ENPP6: variants seen among roughly 807,000 people sequenced by gnomAD.
The protein encoded by ENPP6 is ectonucleotide pyrophosphatase/phosphodiesterase 6, also known as glycerophosphocholine cholinephosphodiesterase ENPP6.
Under a neutral mutation model 42.0 loss-of-function variants are expected in ENPP6, and 32 were observed. That is an observed-to-expected ratio of 0.76 (90% CI 0.58 to 1.02). ENPP6 has a LOEUF of 1.02. ENPP6 is among the 50% of genes least tolerant of loss of function. The pLI, the probability that ENPP6 is intolerant of heterozygous loss-of-function variation, is 0.00. For synonymous variants in ENPP6, 213 were observed against 216.0 expected, an observed-to-expected ratio of 0.99 and a Z score of 0.12; for missense variants, 552 against 566.8, an observed-to-expected ratio of 0.97 and a Z score of 0.27.
intron 1 of ENPP6, among the ~76,000 whole-genome samples, chr4:184,171,301 A>G (rs907303838): frequency 6.6e-6 from 1 of 152,226 alleles, no homozygotes; most frequent in African/African-American, 2.4e-5. Flanking sequence ...TGGCATCCTT[A>G]CAGCATGGTG....
chr4:184,183,848 C>T (rs994165121), intron 1 of ENPP6, among the ~76,000 whole-genome samples: 1 of 152,226 alleles, frequency 6.6e-6, no homozygotes, highest in African/African-American at 2.4e-5. Context: ...ACATTTCCAT[C>T]TAGGTGAAGC....
In ENPP6 at chr4:184,138,929, T is replaced by C. The variant is rs568422466; in HGVS notation, c.421+14625A>G. On this transcript the variant is annotated intron_variant, in intron 2 of 7. Transcript: ENST00000296741. Reference sequence around the variant, plus strand: ...CTTCGAAGCCAGGGCAAATAGGACATCCTAATTACGATCTACTAAGATGAT... The same window carrying C: ...CTTCGAAGCCAGGGCAAATAGGACACCCTAATTACGATCTACTAAGATGAT... Among the ~76,000 whole-genome samples, 118 of 152,310 alleles carry C rather than the reference T, an allele frequency of 7.7e-4. 2 individuals are homozygous for C. The South Asian group carries it at 0.018, about 23-fold the overall frequency.
chr4:184,181,025 G>C (rs576108831), intron 1 of ENPP6, among the ~76,000 whole-genome samples: 1 of 152,304 alleles, frequency 6.6e-6, no homozygotes, highest in South Asian at 2.1e-4. Flanking sequence ...TCAGGCAAGA[G>C]AAAGAAATAA....
intron 6 of ENPP6, among the ~76,000 whole-genome samples, chr4:184,102,210 A>G (rs1039849496): frequency 3.3e-5 from 5 of 152,346 alleles, no homozygotes; most frequent in African/African-American, 1.2e-4. Flanking sequence ...ATCCGTTTGC[A>G]TTCAGCATTG....
intron 5 of ENPP6, among the ~76,000 whole-genome samples, chr4:184,113,307 T>C (rs565769710): frequency 6.6e-6 from 1 of 152,374 alleles, no homozygotes; most frequent in Admixed American, 6.5e-5. Flanking sequence ...AATTCTATAT[T>C]TCTTATTATA....
chr4:184,153,518 T>C, intron 2 of ENPP6, 36 bp downstream of exon 2: 1 of 1,583,730 alleles, frequency 6.3e-7, no homozygotes, highest in Non-Finnish European at 8.6e-7. Flanking sequence ...GACTCTATGA[T>C]GATTTGAGAT....
intron 1 of ENPP6, among the ~76,000 whole-genome samples, chr4:184,189,774 C>A (rs1732689496): frequency 6.6e-6 from 1 of 152,276 alleles, no homozygotes; most frequent in East Asian, 1.9e-4. Flanking sequence ...CTCACCACAG[C>A]CCGGAGTAGA....
rs1735921522 is a variant in ENPP6 at position 184,096,981 on chromosome 4, A to C, written c.1117+264T>G. The stretch of plus-strand genomic sequence containing the variant: ...TGAATTAGGTAAAAAATGAATCACA[A>C]ACATGTGGAATACATTTTCTTCACT... On this transcript the variant is annotated intron_variant, in intron 7 of 7. Coordinates refer to ENST00000296741, the MANE Select transcript of ENPP6 (RefSeq NM_153343.4). Among the ~76,000 whole-genome samples, 4 of 152,360 alleles carry C rather than the reference A, an allele frequency of 2.6e-5. No individual in the cohort carries two copies. The South Asian group carries it at 8.3e-4, about 32-fold the overall frequency.
At chr4:184,145,230 G>C (rs1415486032) in intron 2 of ENPP6, among the ~76,000 whole-genome samples, 1 of 152,194 alleles carries the variant, frequency 6.6e-6, no homozygotes, top group African/African-American at 2.4e-5. Flanking sequence ...AGTCCTTCCC[G>C]AGTCCCTTCA....
intron 7 of ENPP6, among the ~76,000 whole-genome samples, chr4:184,094,775 C>T (rs531310998): frequency 1.4e-4 from 21 of 152,388 alleles, no homozygotes; most frequent in Non-Finnish European, 2.6e-4. Context: ...CTGACTCCCA[C>T]TCCTGCTGTC....
intron 2 of ENPP6, among the ~76,000 whole-genome samples, chr4:184,144,043 G>A (rs1276498037): frequency 6.6e-6 from 1 of 152,198 alleles, no homozygotes; most frequent in Non-Finnish European, 1.5e-5. Context: ...GAAAGGTGCA[G>A]CAGAGGCTGG....
At chr4:184,196,865 C>T (rs1025582194) in intron 1 of ENPP6, among the ~76,000 whole-genome samples, 3 of 152,158 alleles carry the variant, frequency 2.0e-5, no homozygotes, top group Admixed American at 6.5e-5. Context: ...TGATGGTCCT[C>T]TGGTTTGAAG....
chr4:184,129,628 G>A (rs1736562593), intron 2 of ENPP6, among the ~76,000 whole-genome samples: 1 of 152,078 alleles, frequency 6.6e-6, no homozygotes, highest in Non-Finnish European at 1.5e-5. Flanking sequence ...AAATAAAGTT[G>A]TATATACAAG....
At chr4:184,093,989 T>C (rs1334214303) in intron 7 of ENPP6, among the ~76,000 whole-genome samples, 3 of 151,862 alleles carry the variant, frequency 2.0e-5, no homozygotes, top group Non-Finnish European at 4.4e-5. Context: ...CTTTCAAATA[T>C]CCATTTGTGG....
rs558489358 is a variant in ENPP6 at position 184,216,555 on chromosome 4, T to C, written c.241+1024A>G. 110 of 152,364 alleles carry C rather than the reference T, an allele frequency of 7.2e-4. 1 individual carries two copies. The highest frequency in any genetic ancestry group is 2.5e-3 in the African/African-American group (103 of 41,572). 9.4% of individuals were successfully genotyped at this position (152,364 alleles called of 1,614,324 possible). ...TCCATGAGATATCAGAGATCTCATT[T>C]TCTTTCTGTTAACATAATTAGCAGA... On this transcript the variant is annotated intron_variant, in intron 1 of 7. Transcript: ENST00000296741.
chr4:184,174,138 T>C (rs1231321385), intron 1 of ENPP6, among the ~76,000 whole-genome samples: 1 of 136,380 alleles, frequency 7.3e-6, no homozygotes, highest in Non-Finnish European at 1.5e-5. Context: ...CCAAATCCTT[T>C]TTTTTTTTTT....
intron 6 of ENPP6, among the ~76,000 whole-genome samples, chr4:184,100,253 A>G (rs1361529656): frequency 1.3e-5 from 2 of 152,220 alleles, no homozygotes; most frequent in African/African-American, 2.4e-5. Context: ...TGCTGCAGCC[A>G]TGATTTCCTT....
chr4:184,150,383 C>T (rs1456378437), intron 2 of ENPP6, among the ~76,000 whole-genome samples: 5 of 151,806 alleles, frequency 3.3e-5, no homozygotes, highest in East Asian at 1.9e-4. Context: ...ACTAGAGCAA[C>T]GAAGATTTTC....
At chr4:184,108,789 A>G (rs2111338666) in intron 6 of ENPP6, among the ~76,000 whole-genome samples, 1 of 152,368 alleles carries the variant, frequency 6.6e-6, no homozygotes, top group South Asian at 2.1e-4. Context: ...CCAGAGAGAC[A>G]TTTGTGTTCA....
Sources: allele counts gnomAD v4.1 joint callset (sites outside exome capture counted in the v4.1 genomes callset), GRCh38; gene constraint gnomAD v4.1.1; transcripts MANE v1.5; gene names NCBI Gene and HGNC (gene_info 2026-07-23, HGNC 2026-07-21).